SNTG1: variants seen among roughly 807,000 people sequenced by gnomAD.
SNTG1 encodes the protein gamma-1-syntrophin.
Under a neutral mutation model 74.7 loss-of-function variants are expected in SNTG1, and 39 were observed. The ratio of observed to expected loss-of-function variants is 0.52; its 90% CI spans 0.40 to 0.68. SNTG1 has a LOEUF of 0.68. Ranked by LOEUF, SNTG1 falls within the 30% of genes least tolerant of loss-of-function variation. The pLI, the probability that SNTG1 is intolerant of heterozygous loss-of-function variation, is 0.00. For synonymous variants in SNTG1, 254 were observed against 217.1 expected (o/e 1.17, Z -1.49); for missense variants, 685 against 609.5 (o/e 1.12, Z -1.30).
intron 2 of SNTG1, among the ~76,000 whole-genome samples, chr8:50,296,889 AG>A (rs1468520820): frequency 6.6e-6 from 1 of 152,164 alleles, no homozygotes; most frequent in Non-Finnish European, 1.5e-5. Flanking sequence ...CTGCTTATTA[AG>A]TAGTAAGCGC....
intron 2 of SNTG1, among the ~76,000 whole-genome samples, chr8:50,218,732 A>G (rs990589103): frequency 2.0e-5 from 3 of 152,216 alleles, no homozygotes; most frequent in Non-Finnish European, 4.4e-5. Flanking sequence ...AATTCCAGCA[A>G]TGTAGAAGAC....
intron 1 of SNTG1, among the ~76,000 whole-genome samples, chr8:49,929,450 G>T (rs1246370145): frequency 6.6e-6 from 1 of 152,206 alleles, no homozygotes. Flanking sequence ...GTTCCCCGAA[G>T]AATGTCATAG....
chr8:49,968,372 T>C (rs949874565), intron 1 of SNTG1, among the ~76,000 whole-genome samples: 12 of 152,166 alleles, frequency 7.9e-5, no homozygotes, highest in Non-Finnish European at 1.6e-4. Context: ...TTTTTGACTT[T>C]TGATTCTTGT....
At chr8:50,243,936 G>A (rs908117383) in intron 2 of SNTG1, among the ~76,000 whole-genome samples, 12 of 152,142 alleles carry the variant, frequency 7.9e-5, no homozygotes, top group African/African-American at 2.2e-4. Context: ...GGTTTTGGGG[G>A]AAGGAGAATA....
chr8:49,991,409 C>T (rs915603841), intron 1 of SNTG1, among the ~76,000 whole-genome samples: 3 of 152,204 alleles, frequency 2.0e-5, no homozygotes, highest in African/African-American at 4.8e-5. Flanking sequence ...TAAACTGTGA[C>T]CACACAACCT....
At chr8:49,910,677 C>A (rs1376983749), upstream of SNTG1, among the ~76,000 whole-genome samples, 2 of 152,074 alleles carry the variant, frequency 1.3e-5, no homozygotes, top group Non-Finnish European at 2.9e-5. Context: ...GAAGAGCCTG[C>A]AAGGCCCGGG....
intron 2 of SNTG1, among the ~76,000 whole-genome samples, chr8:50,215,401 CTA>C (rs1023948975): frequency 6.9e-5 from 10 of 145,022 alleles, no homozygotes; most frequent in South Asian, 4.3e-4. Flanking sequence ...TGTATATATA[CTA>C]TATATATATA....
rs1034050718 is a variant in SNTG1, at chr8:50,106,168, A to C, written c.-102-66393A>C. 2.0e-5 allele frequency among the ~76,000 whole-genome samples: 3 copies of C among 152,134 alleles called. No individual in the cohort carries two copies. The South Asian group carries it at 6.2e-4, about 31-fold the overall frequency. The stretch of plus-strand genomic sequence containing the variant: ...CAGTTCTGCAGGCTTAACAGGAAGC[A>C]TGAATGGGAGGCCTAAGGAAACTTA... On this transcript the variant is annotated intron_variant, in intron 1 of 18. Coordinates refer to ENST00000642720, the MANE Select transcript of SNTG1 (RefSeq NM_018967.5).
At chr8:50,593,550 A>G (rs761551878) in intron 13 of SNTG1, among the ~76,000 whole-genome samples, 1 of 152,092 alleles carries the variant, frequency 6.6e-6, no homozygotes, top group Admixed American at 6.6e-5. Flanking sequence ...AAAAAAACCT[A>G]CATTTAAAAT....
chr8:50,453,354 C>A (rs907107856), intron 8 of SNTG1, among the ~76,000 whole-genome samples: 1 of 152,218 alleles, frequency 6.6e-6, no homozygotes, highest in East Asian at 1.9e-4. Context: ...GGGACCAGTA[C>A]GGGAGTGTAA....
At position 50,585,610 on chromosome 8, in the gene SNTG1, T is replaced by A. The variant is rs141839894; in HGVS notation, c.811-5269T>A. Among the ~76,000 whole-genome samples the A allele has an allele frequency of 1.4e-3, 211 of 152,314 alleles. 1 individual carries two copies. Among genetic ancestry groups the A allele is most frequent in the African/African-American group, 4.7e-3 (196 of 41,578 alleles). On this transcript the variant is annotated intron_variant, in intron 12 of 18. Transcript: ENST00000642720. ...CAGAGAATTTAGAATTTTCATTATT[T>A]GGAAATAGTATTACTACCAAGAGTA...
intron 1 of SNTG1, among the ~76,000 whole-genome samples, chr8:50,111,255 G>A (rs2131302433): frequency 6.6e-6 from 1 of 152,180 alleles, no homozygotes; most frequent in Non-Finnish European, 1.5e-5. Context: ...AAACTCATAT[G>A]TTGAAGCTCT....
At chr8:50,383,297 T>A (rs911264373) in intron 2 of SNTG1, among the ~76,000 whole-genome samples, 1 of 152,192 alleles carries the variant, frequency 6.6e-6, no homozygotes, top group Non-Finnish European at 1.5e-5. Context: ...TAGAAGGGGA[T>A]ACAAAGGCCT....
At chr8:50,452,683 G>T (rs1488602772) in intron 8 of SNTG1, among the ~76,000 whole-genome samples, 1 of 152,078 alleles carries the variant, frequency 6.6e-6, no homozygotes, top group Non-Finnish European at 1.5e-5. Context: ...AATTATATGT[G>T]GTCCTTCACA....
At chr8:50,756,790 T>A (rs1423219439) in intron 18 of SNTG1, among the ~76,000 whole-genome samples, 7 of 151,798 alleles carry the variant, frequency 4.6e-5, no homozygotes, top group Non-Finnish European at 8.8e-5. Flanking sequence ...AATCAATTTG[T>A]CAATATCCAA....
intron 1 of SNTG1, among the ~76,000 whole-genome samples, chr8:49,980,978 G>A (rs749490814): frequency 6.6e-6 from 1 of 152,134 alleles, no homozygotes; most frequent in Non-Finnish European, 1.5e-5. Context: ...TCTCTTCTCT[G>A]TAAGTGCCCT....
chr8:50,131,275 A>C (rs1300244229), intron 1 of SNTG1, among the ~76,000 whole-genome samples: 1 of 152,158 alleles, frequency 6.6e-6, no homozygotes, highest in Non-Finnish European at 1.5e-5. Context: ...ACCTGGAATA[A>C]TCAAAGTGGG....
At chr8:49,928,236 C>CT (rs149821539) in intron 1 of SNTG1, among the ~76,000 whole-genome samples, 3 of 135,028 alleles carry the variant, frequency 2.2e-5, no homozygotes, top group Non-Finnish European at 4.5e-5. Flanking sequence ...TTTTTTGTTT[C>CT]TTTTTTTTTG....
At chr8:50,327,699 T>C (rs549445702) in intron 2 of SNTG1, among the ~76,000 whole-genome samples, 1 of 152,272 alleles carries the variant, frequency 6.6e-6, no homozygotes, top group Admixed American at 6.5e-5. Flanking sequence ...ATATTTATTG[T>C]TATTTCTATT....
Sources: allele counts gnomAD v4.1 joint callset (sites outside exome capture counted in the v4.1 genomes callset), GRCh38; gene constraint gnomAD v4.1.1; transcripts MANE v1.5; gene names NCBI Gene and HGNC (gene_info 2026-07-23, HGNC 2026-07-21).